Variants in EIF2D observed in about 807,000 individuals in gnomAD.
EIF2D encodes the protein eukaryotic translation initiation factor 2D.
EIF2D carries 56 observed loss-of-function variants against 77.4 expected under a neutral mutation model. That is an observed-to-expected ratio of 0.72 (90% CI 0.58 to 0.90). EIF2D has a LOEUF of 0.90. Ranked by LOEUF, EIF2D falls within the 40% of genes least tolerant of loss-of-function variation. EIF2D has a pLI of 0.00. For synonymous variants in EIF2D, 230 were observed against 271.0 expected, an observed-to-expected ratio of 0.85 and a Z score of 1.49; for missense variants, 574 against 706.5, an observed-to-expected ratio of 0.81 and a Z score of 2.13.
intron 4 of EIF2D, among the ~76,000 whole-genome samples, chr1:206,575,810 C>T (rs1456109195): frequency 3.9e-5 from 6 of 152,216 alleles, no homozygotes; most frequent in African/African-American, 1.2e-4. Flanking sequence ...ATTTGATGGT[C>T]TTGCATTTGT....
intron 3 of EIF2D, 114 bp from the exon 4 acceptor site, chr1:206,608,440 G>A (rs1670305824): frequency 2.6e-6 from 2 of 768,294 alleles, no homozygotes. Context: ...TATCAACTAT[G>A]TTTTTCATAA....
intron 1 of EIF2D, 112 bp downstream of exon 1, chr1:206,612,175 C>T: frequency 7.0e-7 from 1 of 1,435,368 alleles, no homozygotes. Context: ...CCTGGCATAC[C>T]CCTCGGCCTC....
In EIF2D at chr1:206,592,780, G is replaced by A. The variant is rs1179896937; in HGVS notation, c.1684+839C>T. On this transcript the variant is annotated intron_variant, in intron 14 of 14. Coordinates refer to ENST00000271764, the MANE Select transcript of EIF2D (RefSeq NM_006893.3). The surrounding 1 kb of genome is among the most constrained non-coding windows in gnomAD (Gnocchi z 4.7). ...GGTTTGAAGTGAGGAAAAACGGGAG[G>A]CTGGGTTACCCAGAGTTAGTAGAAA... Among the ~76,000 whole-genome samples, 15 of 152,144 alleles carry A rather than the reference G, an allele frequency of 9.9e-5. No homozygotes were observed. Among genetic ancestry groups the A allele is most frequent in the Non-Finnish European group, 1.5e-4 (10 of 68,006 alleles).
chr1:206,574,945 T>C (rs1056307796), intron 4 of EIF2D, among the ~76,000 whole-genome samples: 2 of 149,296 alleles, frequency 1.3e-5, no homozygotes, highest in Admixed American at 6.8e-5. Flanking sequence ...ATGCAACCTC[T>C]GCCTCCCAGG....
At chr1:206,611,647 A>C (rs554960013) in intron 1 of EIF2D, among the ~76,000 whole-genome samples, 2 of 152,352 alleles carry the variant, frequency 1.3e-5, no homozygotes, top group Non-Finnish European at 1.5e-5. Flanking sequence ...TGACACAGGA[A>C]ACAGCCCTGC....
Position 206,584,803 on chromosome 1 carries a change from C to A in EIF2D, c.139-3641G>T. 9.6e-7 allele frequency: 1 copy of A among 1,045,562 alleles called. No individual in the cohort carries two copies. Among genetic ancestry groups the A allele is most frequent in the Non-Finnish European group, 1.4e-6 (1 of 709,354 alleles). 64.8% of individuals were successfully genotyped at this position (1,045,562 alleles called of 1,614,324 possible). On this transcript the variant is annotated intron_variant and NMD_transcript_variant, in intron 2 of 5. Coordinates refer to the EIF2D transcript ENST00000472709. The surrounding 1 kb of genome is among the most constrained non-coding windows in gnomAD (Gnocchi z 4.9). ...TGGGCTTCTCCTGAGCACCAGGGGT[C>A]CAGCTGCCCATGTGGTGTTCAGATC...
At position 206,579,236 on chromosome 1, in the gene EIF2D, TA is replaced by T. The variant is rs1668774858; in HGVS notation, c.*254+1455del. Among the ~76,000 whole-genome samples, 1 of 152,190 alleles carries T rather than the reference TA, an allele frequency of 6.6e-6. No homozygotes were observed. The highest frequency in any genetic ancestry group is 1.9e-4 in the East Asian group (1 of 5,202). On this transcript the variant is annotated intron_variant and NMD_transcript_variant, in intron 4 of 5. Coordinates refer to the EIF2D transcript ENST00000472709. The surrounding 1 kb of genome is among the most constrained non-coding windows in gnomAD (Gnocchi z 4.2). ...ACCAATGCCAGGGGCTTAATCGGAA[TA>T]GATGAATTCCATGCCAGATGCACTG...
At chr1:206,596,460 A>G (rs1553410077) in intron 12 of EIF2D, among the ~76,000 whole-genome samples, 2 of 152,222 alleles carry the variant, frequency 1.3e-5, no homozygotes, top group East Asian at 1.9e-4. Context: ...TTGTGTTCCA[A>G]CAAAACTTTA....
intron 8 of EIF2D, 120 bp downstream of exon 8, chr1:206,600,142 CA>C: frequency 9.5e-7 from 1 of 1,051,594 alleles, no homozygotes; most frequent in Non-Finnish European, 1.4e-6. Flanking sequence ...TACTTGGAGT[CA>C]AAAAGCTTAA....
chr1:206,603,100 T>A lies in EIF2D; in HGVS notation c.635A>T (p.Gln212Leu), dbSNP rs936826164. ...CAGGGTCATGTGCCTCATGTCTCCC[T>A]GCAGGGTGGAGTCCATCTGGACAGA... ...KGSVQMDSTLQGDMRHMTLEG... is the reference protein window; with the variant it reads ...KGSVQMDSTLLGDMRHMTLEG... Residue 212 changes from glutamine to leucine, a missense_variant, in exon 6 of 15, where the codon CAG becomes CTG. Coordinates refer to ENST00000271764, the MANE Select transcript of EIF2D (RefSeq NM_006893.3). 6.8e-6 allele frequency: 11 copies of A among 1,614,064 alleles called. No homozygotes were observed. Among genetic ancestry groups the A allele is most frequent in the Non-Finnish European group, 8.5e-6 (10 of 1,180,034 alleles).
exon 3 of EIF2D, chr1:206,581,021 C>G (rs1435738379): frequency 6.6e-6 from 1 of 152,200 alleles, no homozygotes; most frequent in African/African-American, 2.4e-5. Context: ...GCCCCTTCAG[C>G]AAAAGATGCC....
intron 2 of EIF2D, chr1:206,585,363 C>T (rs1669070826): frequency 8.9e-7 from 1 of 1,124,490 alleles, no homozygotes; most frequent in Admixed American, 1.7e-5. Flanking sequence ...TGGGTGTTGT[C>T]CTAACTACCT....
At chr1:206,582,166 C>A (rs1470538432) in intron 2 of EIF2D, among the ~76,000 whole-genome samples, 1 of 152,148 alleles carries the variant, frequency 6.6e-6, no homozygotes, top group Non-Finnish European at 1.5e-5. Context: ...TAACAGTGAA[C>A]TTGAGAGAGA....
chr1:206,595,127 A>G (rs1669584766), intron 13 of EIF2D: 1 of 152,264 alleles, frequency 6.6e-6, no homozygotes, highest in African/African-American at 2.4e-5. Flanking sequence ...ACCCAGTACT[A>G]TCCAAAGCCC....
intron 2 of EIF2D, chr1:206,583,125 C>T: frequency 1.7e-6 from 1 of 602,864 alleles, no homozygotes; most frequent in East Asian, 2.9e-5. Context: ...CTCATTGTCT[C>T]ACTCCGAGTC....
At chr1:206,595,132 A>G (rs1188482814) in intron 13 of EIF2D, 1 of 152,200 alleles carries the variant, frequency 6.6e-6, no homozygotes, top group Non-Finnish European at 1.5e-5. Context: ...GTACTATCCA[A>G]AGCCCACGCT....
downstream of EIF2D, among the ~76,000 whole-genome samples, chr1:206,569,780 G>A (rs1457139751): frequency 3.9e-5 from 6 of 152,166 alleles, no homozygotes; most frequent in Admixed American, 6.5e-5. Flanking sequence ...AGGCATGCCC[G>A]CTACGACTGC....
At chr1:206,600,476 A>G (rs1669875008) in intron 7 of EIF2D, 168 bp from the exon 8 acceptor site, 3 of 606,420 alleles carry the variant, frequency 4.9e-6, no homozygotes, top group African/African-American at 3.7e-5. Context: ...GATGCAGACT[A>G]TGGGACATTC....
intron 7 of EIF2D, chr1:206,601,413 T>C (rs1669913023): frequency 6.6e-6 from 1 of 151,746 alleles, no homozygotes; most frequent in African/African-American, 2.4e-5. Flanking sequence ...TTACTAAAAA[T>C]ACAAAAATTA....
Sources: allele counts gnomAD v4.1 joint callset (sites outside exome capture counted in the v4.1 genomes callset), GRCh38; gene constraint gnomAD v4.1.1; non-coding constraint Gnocchi (gnomAD v3.1); transcripts MANE v1.5; gene names NCBI Gene and HGNC (gene_info 2026-07-23, HGNC 2026-07-21).